CFTR: variants seen among roughly 807,000 people sequenced by gnomAD.
CFTR encodes the protein cystic fibrosis transmembrane conductance regulator.
In CFTR, 181 loss-of-function variants were observed where a neutral mutation model predicts 171.6. That is an observed-to-expected ratio of 1.05 (90% CI 0.93 to 1.19). The LOEUF is 1.19. Among genes scored for constraint, CFTR ranks in the 50% most tolerant of loss-of-function variants. CFTR has a pLI of 0.00. For missense variants in CFTR, 1,968 were observed against 1,734.7 expected (o/e 1.13, Z -2.39); for synonymous variants, 583 against 608.0 (o/e 0.96, Z 0.60).
chr7:117,596,439 C>G (rs545883587), intron 15 of CFTR, among the ~76,000 whole-genome samples: 1 of 152,236 alleles, frequency 6.6e-6, no homozygotes, highest in Non-Finnish European at 1.5e-5. Context: ...TGACGAGCAC[C>G]GCCCCCTGCT....
chr7:117,635,606 A>G (rs566483371), intron 22 of CFTR, among the ~76,000 whole-genome samples: 1 of 151,998 alleles, frequency 6.6e-6, no homozygotes, highest in Non-Finnish European at 1.5e-5. Flanking sequence ...TTAGCATAGT[A>G]ATTCTTCTTT....
rs773739166 is a variant in CFTR at position 117,509,142 on chromosome 7, G to A, written c.273G>A (p.Gly91=). 6.7e-7 allele frequency: 1 copy of A among 1,492,320 alleles called. No homozygotes were observed. Among genetic ancestry groups the A allele is most frequent in the South Asian group, 1.1e-5 (1 of 88,648 alleles). 92.4% of individuals were successfully genotyped at this position (1,492,320 alleles called of 1,614,324 possible). ...FMFYGIFLYL[G]EVTKAVQPLL... is the part of the protein sequence containing the mutation. ...TCTATGGAATCTTTTTATATTTAGG[G>A]GTAAGGATCTCATTTGTACATTCAT... Residue 91 remains glycine, a splice_region_variant and synonymous_variant, in exon 3 of 27, where the codon GGG becomes GGA. Transcript: ENST00000003084.
At chr7:117,549,534 CT>C (rs1157604733) in intron 10 of CFTR, among the ~76,000 whole-genome samples, 1 of 151,636 alleles carries the variant, frequency 6.6e-6, no homozygotes, top group Non-Finnish European at 1.5e-5. Flanking sequence ...AACTTGCTCT[CT>C]TTTAACTATT....
At chr7:117,534,517 G>A in intron 5 of CFTR, 152 bp downstream of exon 5, 2 of 647,216 alleles carry the variant, frequency 3.1e-6, no homozygotes, top group South Asian at 3.5e-5. Flanking sequence ...AAGGTCAATT[G>A]TATAGCAGAG....
At position 117,596,387 on chromosome 7, in the gene CFTR, C is replaced by G. The variant is rs563183309; in HGVS notation, c.2619+1329C>G. On this transcript the variant is annotated intron_variant, in intron 15 of 26. Transcript: ENST00000003084. ...AGCCTGCCATGCCTGAGCCTCCCCC[C>G]AACCTGCCGCTGCAGTGGGCTCCTG... Among the ~76,000 whole-genome samples, 49 of 152,370 alleles carry G rather than the reference C, an allele frequency of 3.2e-4. 1 individual carries two copies. Among genetic ancestry groups the G allele is most frequent in the Non-Finnish European group, 1.6e-4 (11 of 68,036 alleles).
intron 11 of CFTR, among the ~76,000 whole-genome samples, chr7:117,579,605 C>A (rs1791821832): frequency 6.7e-6 from 1 of 149,316 alleles, no homozygotes; most frequent in Non-Finnish European, 1.5e-5. Flanking sequence ...ATATGGAAGA[C>A]TAAATGACCA....
intron 11 of CFTR, among the ~76,000 whole-genome samples, chr7:117,563,324 A>C (rs1791546720): frequency 6.6e-6 from 1 of 152,150 alleles, no homozygotes; most frequent in African/African-American, 2.4e-5. Flanking sequence ...ATATCTGACT[A>C]CAAGGAGAAA....
intron 14 of CFTR, among the ~76,000 whole-genome samples, chr7:117,594,650 A>G (rs1390119723): frequency 6.6e-6 from 1 of 152,122 alleles, no homozygotes; most frequent in African/African-American, 2.4e-5. Flanking sequence ...TTAATGGTAA[A>G]ATTGTCCAAT....
At chr7:117,486,990 A>G (rs1798085693) in intron 1 of CFTR, among the ~76,000 whole-genome samples, 1 of 151,872 alleles carries the variant, frequency 6.6e-6, no homozygotes, top group East Asian at 1.9e-4. Flanking sequence ...AAGGAAAGAG[A>G]AGAGTTAAGG....
intron 3 of CFTR, 96 bp from the exon 4 acceptor site, chr7:117,530,803 G>T: frequency 4.9e-6 from 4 of 812,272 alleles, no homozygotes; most frequent in Non-Finnish European, 8.3e-6. Context: ...CTCATTTTAA[G>T]TCTCCTCTAA....
At chr7:117,539,364 T>G (rs1024091228) in intron 7 of CFTR, among the ~76,000 whole-genome samples, 8 of 152,268 alleles carry the variant, frequency 5.3e-5, no homozygotes, top group African/African-American at 1.9e-4. Context: ...GGATGTAGTA[T>G]CTACTGTCAT....
intron 11 of CFTR, among the ~76,000 whole-genome samples, chr7:117,573,027 C>T (rs981448459): frequency 3.3e-5 from 5 of 149,286 alleles, no homozygotes; most frequent in African/African-American, 1.2e-4. Context: ...AAATGTAACA[C>T]TCCACCCTTT....
intron 3 of CFTR, among the ~76,000 whole-genome samples, chr7:117,509,518 C>T (rs1798480331): frequency 6.6e-6 from 1 of 152,052 alleles, no homozygotes; most frequent in Admixed American, 6.6e-5. Context: ...TCAAATGCAG[C>T]TAATTACATA....
At chr7:117,610,946 TA>T (rs1792376399) in intron 19 of CFTR, among the ~76,000 whole-genome samples, 1 of 152,186 alleles carries the variant, frequency 6.6e-6, no homozygotes, top group Non-Finnish European at 1.5e-5. Flanking sequence ...TCATTTATAA[TA>T]AACTTATATC....
intron 1 of CFTR, among the ~76,000 whole-genome samples, chr7:117,482,151 G>T (rs1798008879): frequency 6.6e-6 from 1 of 152,110 alleles, no homozygotes; most frequent in South Asian, 2.1e-4. Context: ...GCCTGTATGA[G>T]AATTTAATTT....
At chr7:117,592,685 C>T (rs777719302) in intron 14 of CFTR, 28 bp downstream of exon 14, 7 of 1,487,048 alleles carry the variant, frequency 4.7e-6, no homozygotes, top group Non-Finnish European at 5.3e-6. Flanking sequence ...GGGGGTATTT[C>T]ACCCCACAGA....
intron 22 of CFTR, among the ~76,000 whole-genome samples, chr7:117,638,448 G>T (rs1792861016): frequency 6.6e-6 from 1 of 152,066 alleles, no homozygotes. Context: ...AATAGGAATT[G>T]ATTCTTAAAA....
At chr7:117,503,663 C>T (rs531788669) in intron 1 of CFTR, among the ~76,000 whole-genome samples, 1 of 152,208 alleles carries the variant, frequency 6.6e-6, no homozygotes, top group Non-Finnish European at 1.5e-5. Flanking sequence ...GGAGACAAAA[C>T]ATAAGAAAGT....
At position 117,654,215 on chromosome 7, in the gene CFTR, G is replaced by T. The variant is rs78932097; in HGVS notation, c.3963+1284G>T. The stretch of plus-strand genomic sequence containing the variant: ...CTACTGGTCTGGGATTGCATAGGTG[G>T]CCCAGCCTTCATAGCTCCACTGGGC... On this transcript the variant is annotated intron_variant, in intron 24 of 26. Transcript: ENST00000003084. Among the ~76,000 whole-genome samples the T allele has an allele frequency of 2.6e-5, 4 of 152,254 alleles. No homozygotes were observed. In the East Asian group the frequency reaches 5.8e-4, roughly 22 times the overall value.
Sources: allele counts gnomAD v4.1 joint callset (sites outside exome capture counted in the v4.1 genomes callset), GRCh38; gene constraint gnomAD v4.1.1; transcripts MANE v1.5; gene names NCBI Gene and HGNC (gene_info 2026-07-23, HGNC 2026-07-21).